PBX1: variants seen among roughly 807,000 people sequenced by gnomAD.
PBX1 encodes PBX homeobox 1.
Under a neutral mutation model 53.4 loss-of-function variants are expected in PBX1, and 6 were observed. The ratio of observed to expected loss-of-function variants is 0.11; its 90% confidence interval spans 0.06 to 0.22. PBX1 has a LOEUF of 0.22. Ranked by LOEUF, PBX1 falls within the 10% of genes least tolerant of loss-of-function variation. PBX1 has a pLI of 1.00. For synonymous variants in PBX1, 204 were observed against 212.3 expected, an observed-to-expected ratio of 0.96 and a Z score of 0.34; for missense variants, 251 against 551.4, an observed-to-expected ratio of 0.46 and a Z score of 5.46.
At chr1:164,872,897 T>C (rs983249655) in intron 2 of PBX1, among the ~76,000 whole-genome samples, 1 of 152,250 alleles carries the variant, frequency 6.6e-6, no homozygotes, top group African/African-American at 2.4e-5. Context: ...TTTTGTCATT[T>C]AACATATTAG....
chr1:164,618,205 C>G (rs1168428714), intron 2 of PBX1, among the ~76,000 whole-genome samples: 1 of 152,022 alleles, frequency 6.6e-6, no homozygotes, highest in African/African-American at 2.4e-5. Context: ...TCCCCGCCTC[C>G]CCACCACCAA....
At chr1:164,690,633 A>AG (rs1167653758) in intron 2 of PBX1, among the ~76,000 whole-genome samples, 1 of 151,888 alleles carries the variant, frequency 6.6e-6, no homozygotes, top group Non-Finnish European at 1.5e-5. Context: ...TTTTCTTAAA[A>AG]AAAAAAAAAA....
chr1:164,803,170 A>G (rs1203241837), intron 4 of PBX1, among the ~76,000 whole-genome samples: 2 of 152,210 alleles, frequency 1.3e-5, no homozygotes, highest in African/African-American at 2.4e-5. Flanking sequence ...CCGATGTTAT[A>G]GTAGCCACTG....
intron 2 of PBX1, among the ~76,000 whole-genome samples, chr1:164,630,296 T>G (rs993305823): frequency 1.3e-5 from 2 of 152,108 alleles, no homozygotes; most frequent in Admixed American, 1.3e-4. Context: ...GCTTCCAAAG[T>G]CTGAGTGGGA....
At chr1:164,775,905 G>T (rs1407261178) in intron 2 of PBX1, among the ~76,000 whole-genome samples, 1 of 152,186 alleles carries the variant, frequency 6.6e-6, no homozygotes, top group Non-Finnish European at 1.5e-5. Context: ...GTCTACACTG[G>T]AGTAAGGAAA....
At chr1:164,795,562 T>C (rs1191925252) in intron 3 of PBX1, among the ~76,000 whole-genome samples, 2 of 152,232 alleles carry the variant, frequency 1.3e-5, no homozygotes, top group African/African-American at 4.8e-5. Flanking sequence ...AGTACTAAAA[T>C]ATCATCTATT....
intron 2 of PBX1, among the ~76,000 whole-genome samples, chr1:164,668,030 G>A (rs1262878507): frequency 6.6e-6 from 1 of 152,160 alleles, no homozygotes; most frequent in African/African-American, 2.4e-5. Flanking sequence ...CTCCCTGATT[G>A]ATAGGGCTTG....
intron 2 of PBX1, among the ~76,000 whole-genome samples, chr1:164,739,900 G>T (rs1002232121): frequency 6.6e-6 from 1 of 151,940 alleles, no homozygotes; most frequent in African/African-American, 2.4e-5. Context: ...TAATGCTAGG[G>T]TTCATTTTCT....
chr1:164,669,296 C>G (rs539121303), intron 2 of PBX1, among the ~76,000 whole-genome samples: 1 of 152,250 alleles, frequency 6.6e-6, no homozygotes, highest in African/African-American at 2.4e-5. Flanking sequence ...AGACGTCTGT[C>G]TTATTGATAT....
intron 6 of PBX1, chr1:164,817,898 T>A (rs969047827): frequency 6.6e-6 from 1 of 152,176 alleles, no homozygotes; most frequent in Non-Finnish European, 1.5e-5. Flanking sequence ...GGAATCTGGG[T>A]GGTGCCAGGA....
intron 2 of PBX1, among the ~76,000 whole-genome samples, chr1:164,611,307 G>A (rs570459311): frequency 1.3e-5 from 2 of 151,990 alleles, no homozygotes; most frequent in East Asian, 1.9e-4. Flanking sequence ...GCGCAATCTC[G>A]GCTCACTGCA....
At chr1:164,590,812 A>G (rs1240971899) in intron 2 of PBX1, among the ~76,000 whole-genome samples, 1 of 151,872 alleles carries the variant, frequency 6.6e-6, no homozygotes, top group Non-Finnish European at 1.5e-5. Context: ...AAAATCTCTG[A>G]CTGCATGATT....
At chr1:164,796,446 G>A (rs900256537) in intron 3 of PBX1, among the ~76,000 whole-genome samples, 30 of 152,126 alleles carry the variant, frequency 2.0e-4, no homozygotes, top group African/African-American at 7.2e-4. Context: ...AAATAATGCT[G>A]TTGGGGAATC....
rs544324968 is a variant in PBX1 at position 164,803,205 on chromosome 1, A to G, written c.701+3316A>G. Among the ~76,000 whole-genome samples, 274 of 152,306 alleles carry G rather than the reference A, an allele frequency of 1.8e-3. 1 individual carries two copies. Among genetic ancestry groups the G allele is most frequent in the Middle Eastern group, 6.8e-3 (2 of 294 alleles). ...GGAACATCAAAGATGAAAAAAGTGC[A>G]TATAAAGGTGGGTCCTACCTTCAAA... On this transcript the variant is annotated intron_variant, in intron 4 of 8. Coordinates refer to ENST00000420696, the MANE Select transcript of PBX1 (RefSeq NM_002585.4).
intron 2 of PBX1, among the ~76,000 whole-genome samples, chr1:164,864,896 G>A (rs752822971): frequency 7.2e-5 from 11 of 151,970 alleles, no homozygotes; most frequent in Non-Finnish European, 1.2e-4. Flanking sequence ...GGAGAGATCT[G>A]CACTGATAAA....
chr1:164,724,645 C>G lies in PBX1; in HGVS notation c.266-67849C>G, dbSNP rs947727574. ...ATGTCTAATATCTTATTTTTCTTCACAGATGCCCATTGCAATAGCTGCAGA... is the reference window on the plus strand; with the variant it reads ...ATGTCTAATATCTTATTTTTCTTCAGAGATGCCCATTGCAATAGCTGCAGA... On this transcript the variant is annotated intron_variant, in intron 2 of 8. Coordinates refer to ENST00000420696, the MANE Select transcript of PBX1 (RefSeq NM_002585.4). Among the ~76,000 whole-genome samples the G allele has an allele frequency of 4.0e-5, 5 of 124,976 alleles. No individual in the cohort carries two copies. In the East Asian group the frequency reaches 1.2e-3, roughly 31 times the overall value. The allele number at this position is 124,976 out of a possible 152,430, so 82.0% of individuals were successfully genotyped here. A position where few individuals can be genotyped will look rare whatever the true frequency, so the allele number is the denominator to read the frequency against.
At chr1:164,796,998 G>A (rs1359900972) in intron 3 of PBX1, among the ~76,000 whole-genome samples, 1 of 152,096 alleles carries the variant, frequency 6.6e-6, no homozygotes, top group East Asian at 1.9e-4. Flanking sequence ...CCAGGTACTG[G>A]AAAAATCTGG....
intron 2 of PBX1, among the ~76,000 whole-genome samples, chr1:164,716,434 G>A (rs1487239686): frequency 6.6e-6 from 1 of 152,176 alleles, no homozygotes; most frequent in Non-Finnish European, 1.5e-5. Context: ...AGACCTAAGT[G>A]CCAGCAGCAA....
At chr1:164,835,012 C>G (rs2102398911) in intron 8 of PBX1, among the ~76,000 whole-genome samples, 1 of 152,250 alleles carries the variant, frequency 6.6e-6, no homozygotes, top group East Asian at 1.9e-4. Flanking sequence ...GTGCTCGTAG[C>G]CTTCTAGCAC....
Sources: gnomAD v4.1 joint callset for allele counts (sites outside exome capture counted in the v4.1 genomes callset) on GRCh38, gnomAD v4.1.1 for gene constraint, MANE v1.5 for transcripts, NCBI Gene and HGNC (gene_info 2026-07-23, HGNC 2026-07-21) for gene names.